The following CLIC4 variants were observed in gnomAD, a reference collection of about 807,000 sequenced individuals.
The protein encoded by CLIC4 is chloride intracellular channel protein 4.
CLIC4 carries 13 observed loss-of-function variants against 24.6 expected under a neutral mutation model. The observed-to-expected ratio is 0.53, with a 90% CI of 0.34 to 0.84. CLIC4 has a LOEUF of 0.84. CLIC4 is among the 40% of genes least tolerant of loss of function. The probability of loss-of-function intolerance (pLI) is 0.01; values close to 1 mark genes in which losing one functional copy is unlikely to be tolerated. For synonymous variants in CLIC4, 104 were observed against 111.3 expected (o/e 0.93, Z 0.41); for missense variants, 227 against 301.7 (o/e 0.75, Z 1.83).
intron 1 of CLIC4, among the ~76,000 whole-genome samples, chr1:24,773,237 A>C (rs1022304770): frequency 6.6e-6 from 1 of 152,084 alleles, no homozygotes. Flanking sequence ...TTTTGACTCT[A>C]CTACTGAACT....
rs185673200 is a variant in CLIC4, at chr1:24,835,531, C to T, written c.416-4329C>T. On this transcript the variant is annotated intron_variant, in intron 4 of 5. Transcript: ENST00000374379. The stretch of plus-strand genomic sequence containing the variant: ...CGAGCTGAGATTGCACCACTGCACT[C>T]CAGCCTGGGCGACAGAGTGTGAGAA... 4.5e-3 allele frequency among the ~76,000 whole-genome samples: 683 copies of T among 152,252 alleles called. 1 individual carries two copies. The highest frequency in any genetic ancestry group is 7.9e-3 in the Non-Finnish European group (538 of 68,008).
At chr1:24,751,904 C>T (rs1173613118) in intron 1 of CLIC4, among the ~76,000 whole-genome samples, 6 of 152,128 alleles carry the variant, frequency 3.9e-5, no homozygotes, top group African/African-American at 7.2e-5. Flanking sequence ...AATCCCTTTG[C>T]GGAGTTCAGT....
chr1:24,807,800 T>C (rs1356102326), intron 2 of CLIC4, among the ~76,000 whole-genome samples: 8 of 152,202 alleles, frequency 5.3e-5, no homozygotes, highest in Non-Finnish European at 1.2e-4. Flanking sequence ...AAAAACTGTT[T>C]GTGAAAAACA....
At chr1:24,827,146 C>A in intron 4 of CLIC4, 30 bp downstream of exon 4, 2 of 1,387,906 alleles carry the variant, frequency 1.4e-6, no homozygotes, top group Non-Finnish European at 1.0e-6. Context: ...ATTAACATTG[C>A]AACAAAAAAC....
rs140806156 is a variant in CLIC4, at chr1:24,781,941, C to T, written c.73-15801C>T. ...CTGGGATTACAGGCGTGAGCCACTG[C>T]GCCGGGCCTTGTAGGACCTAATTTT... On this transcript the variant is annotated intron_variant, in intron 1 of 5. Coordinates refer to ENST00000374379, the MANE Select transcript of CLIC4 (RefSeq NM_013943.3). Among the ~76,000 whole-genome samples the T allele has an allele frequency of 6.6e-5, 10 of 152,248 alleles. No homozygotes were observed. In the East Asian group the frequency reaches 1.3e-3, roughly 21 times the overall value.
At chr1:24,799,170 G>A (rs1415083170) in intron 2 of CLIC4, among the ~76,000 whole-genome samples, 1 of 151,146 alleles carries the variant, frequency 6.6e-6, no homozygotes, top group Non-Finnish European at 1.5e-5. Context: ...GAGCGTCTCC[G>A]CCTGGCCGCC....
intron 1 of CLIC4, among the ~76,000 whole-genome samples, chr1:24,791,911 T>C (rs1639343988): frequency 5.3e-5 from 8 of 151,144 alleles, no homozygotes; most frequent in Admixed American, 5.3e-4. Context: ...AAGCCAGCCA[T>C]GGTGGTGGGC....
intron 1 of CLIC4, among the ~76,000 whole-genome samples, chr1:24,767,591 G>T (rs1270216659): frequency 6.6e-6 from 1 of 152,124 alleles, no homozygotes; most frequent in Admixed American, 6.5e-5. Context: ...CCCTGATCCT[G>T]TTGACACTTA....
chr1:24,844,282 T>C lies in CLIC4; in HGVS notation c.*3345T>C, dbSNP rs978494046. The C allele has an allele frequency of 8.5e-5, 13 of 152,610 alleles. No individual in the cohort carries two copies. Among genetic ancestry groups the C allele is most frequent in the Admixed American group, 6.5e-4 (10 of 15,274 alleles). 9.5% of individuals were successfully genotyped at this position (152,610 alleles called of 1,614,324 possible). On this transcript the variant is annotated 3_prime_UTR_variant, in exon 6 of 6. Coordinates refer to ENST00000374379, the MANE Select transcript of CLIC4 (RefSeq NM_013943.3). ...TTTTCACTATCATAAAGGATTCTTTTTTCCCCCCTCATGAAAATAAACAAC... is the reference window on the plus strand; with the variant it reads ...TTTTCACTATCATAAAGGATTCTTTCTTCCCCCCTCATGAAAATAAACAAC...
intron 1 of CLIC4, among the ~76,000 whole-genome samples, chr1:24,756,478 C>A (rs765678317): frequency 1.3e-5 from 2 of 152,152 alleles, no homozygotes; most frequent in Admixed American, 1.3e-4. Context: ...GGTTTTCTTT[C>A]TCTTTTTTTG....
intron 1 of CLIC4, among the ~76,000 whole-genome samples, chr1:24,758,399 G>A (rs543397688): frequency 3.4e-4 from 51 of 150,484 alleles, no homozygotes; most frequent in African/African-American, 1.2e-3. Context: ...GGGTTTGAGC[G>A]ATTCTCCTAC....
chr1:24,826,965 T>C (rs769177029), intron 3 of CLIC4, 45 bp from the exon 4 acceptor site: 1 of 1,367,730 alleles, frequency 7.3e-7, no homozygotes, highest in African/African-American at 1.5e-5. Flanking sequence ...CTTATGCTAA[T>C]TCATCTTTGA....
intron 1 of CLIC4, among the ~76,000 whole-genome samples, chr1:24,787,064 G>A (rs1442948259): frequency 6.6e-6 from 1 of 152,190 alleles, no homozygotes; most frequent in Non-Finnish European, 1.5e-5. Context: ...TGGGACCACA[G>A]GCATGAGCCA....
chr1:24,761,121 C>T (rs541501091), intron 1 of CLIC4, among the ~76,000 whole-genome samples: 1 of 152,026 alleles, frequency 6.6e-6, no homozygotes, highest in Non-Finnish European at 1.5e-5. Flanking sequence ...GATTTTTGTT[C>T]TGAACAGCCA....
intron 1 of CLIC4, among the ~76,000 whole-genome samples, chr1:24,754,944 C>T (rs1458960932): frequency 4.6e-5 from 7 of 151,224 alleles, no homozygotes; most frequent in Non-Finnish European, 7.4e-5. Context: ...TGGTGGTGGG[C>T]GCCTGTAATC....
chr1:24,829,739 A>G (rs889542305), intron 4 of CLIC4, among the ~76,000 whole-genome samples: 7 of 152,198 alleles, frequency 4.6e-5, no homozygotes, highest in African/African-American at 1.4e-4. Context: ...CAAGGAATCT[A>G]GAGGTTCTGA....
intron 2 of CLIC4, among the ~76,000 whole-genome samples, chr1:24,808,729 T>G (rs1571255371): frequency 6.7e-6 from 1 of 149,746 alleles, no homozygotes; most frequent in Non-Finnish European, 1.5e-5. Flanking sequence ...CAGGCTGGAG[T>G]GCAGTGGCGC....
chr1:24,819,338 T>G (rs1446745596), intron 3 of CLIC4, among the ~76,000 whole-genome samples: 1 of 152,142 alleles, frequency 6.6e-6, no homozygotes, highest in Non-Finnish European at 1.5e-5. Context: ...ATAATTAGAA[T>G]GCCAATAAAT....
intron 2 of CLIC4, among the ~76,000 whole-genome samples, chr1:24,798,763 C>T (rs1639435852): frequency 6.6e-6 from 1 of 152,162 alleles, no homozygotes; most frequent in Admixed American, 6.5e-5. Context: ...CTGCCTGATT[C>T]TCCTGCCTCA....
Sources: gnomAD v4.1 joint callset for allele counts (sites outside exome capture counted in the v4.1 genomes callset) on GRCh38, gnomAD v4.1.1 for gene constraint, MANE v1.5 for transcripts, NCBI Gene and HGNC (gene_info 2026-07-23, HGNC 2026-07-21) for gene names.